The following GNAO1 variants were observed in gnomAD, a reference collection of about 807,000 sequenced individuals.
GNAO1 encodes G protein subunit alpha o1, also known as guanine nucleotide-binding protein G(o) subunit alpha.
For missense variants in GNAO1, 166 were observed against 478.7 expected, an observed-to-expected ratio of 0.35 and a Z score of 6.10; for synonymous variants, 164 against 180.7, an observed-to-expected ratio of 0.91 and a Z score of 0.74.
At chr16:56,292,819 A>G (rs1190941365) in intron 3 of GNAO1, among the ~76,000 whole-genome samples, 4 of 152,272 alleles carry the variant, frequency 2.6e-5, no homozygotes, top group African/African-American at 4.8e-5. Flanking sequence ...CCCTAGGTAT[A>G]AGCCCTAGTA....
chr16:56,271,614 A>G (rs1221838228), intron 2 of GNAO1, among the ~76,000 whole-genome samples: 1 of 151,910 alleles, frequency 6.6e-6, no homozygotes. Context: ...CCACCACACC[A>G]GGCTAATTTT....
At chr16:56,310,172 GA>G (rs1237001458) in intron 3 of GNAO1, among the ~76,000 whole-genome samples, 1 of 151,606 alleles carries the variant, frequency 6.6e-6, no homozygotes, top group East Asian at 1.9e-4. Context: ...AAAAAAAAAA[GA>G]AAAAATCAGC....
chr16:56,233,396 G>T (rs2036609145), intron 2 of GNAO1, among the ~76,000 whole-genome samples: 1 of 152,210 alleles, frequency 6.6e-6, no homozygotes, highest in South Asian at 2.1e-4. Context: ...TATGTATGGA[G>T]AGCAATACAC....
chr16:56,307,204 C>T (rs2037405699), intron 3 of GNAO1: 2 of 152,216 alleles, frequency 1.3e-5, no homozygotes, highest in South Asian at 2.1e-4. Flanking sequence ...GGGGACTTCT[C>T]CTGCCAGCCT....
intron 2 of GNAO1, chr16:56,270,089 T>A (rs2037002064): frequency 6.6e-6 from 1 of 152,276 alleles, no homozygotes; most frequent in South Asian, 2.1e-4. Flanking sequence ...CCAGGGTTTC[T>A]CCTTGGTTGC....
intron 2 of GNAO1, among the ~76,000 whole-genome samples, chr16:56,212,523 C>A (rs1378694059): frequency 6.6e-6 from 1 of 152,130 alleles, no homozygotes; most frequent in Non-Finnish European, 1.5e-5. Context: ...TCTGAATCTG[C>A]GATGGCCCAG....
chr16:56,355,029 C>T lies in GNAO1; in HGVS notation c.1041C>T (p.Asn347=), dbSNP rs2143705053. Residue 347 remains asparagine (N), a synonymous_variant, in exon 8 of 9, where the codon AAC becomes AAT. Transcript: ENST00000262493. ...TCACCGACATCATCATTGCCAACAACCTCCGGGGCTGCGGCTTGTACTGAC... is the reference window on the plus strand; with the variant it reads ...TCACCGACATCATCATTGCCAACAATCTCCGGGGCTGCGGCTTGTACTGAC... ...DAVTDIIIAN[N]LRGCGLY The T allele has an allele frequency of 6.2e-7, 1 of 1,613,176 alleles. No homozygotes were observed. The highest frequency in any genetic ancestry group is 8.5e-7 in the Non-Finnish European group (1 of 1,179,336).
At chr16:56,309,200 A>G (rs1596856426) in intron 3 of GNAO1, among the ~76,000 whole-genome samples, 1 of 152,222 alleles carries the variant, frequency 6.6e-6, no homozygotes, top group African/African-American at 2.4e-5. Flanking sequence ...CTACGAGGAC[A>G]GTGGCCACTA....
chr16:56,244,102 C>T (rs893049990), intron 2 of GNAO1, among the ~76,000 whole-genome samples: 28 of 152,324 alleles, frequency 1.8e-4, no homozygotes, highest in African/African-American at 5.5e-4. Context: ...CTTGGCCACT[C>T]GCCATGCTAT....
At chr16:56,347,572 G>A (rs984020609) in intron 6 of GNAO1, 9 of 985,490 alleles carry the variant, frequency 9.1e-6, no homozygotes, top group African/African-American at 1.7e-5. Flanking sequence ...TGGGGGAAAA[G>A]CAGAAAGAAT....
At chr16:56,271,599 G>A (rs1247791944) in intron 2 of GNAO1, among the ~76,000 whole-genome samples, 8 of 152,082 alleles carry the variant, frequency 5.3e-5, no homozygotes, top group South Asian at 2.1e-4. Context: ...GACTACAGGT[G>A]CATGCCACCA....
intron 2 of GNAO1, among the ~76,000 whole-genome samples, chr16:56,267,426 C>T (rs2036966157): frequency 6.6e-6 from 1 of 152,248 alleles, no homozygotes; most frequent in Non-Finnish European, 1.5e-5. Flanking sequence ...CACCGGCCAG[C>T]ACGTGAGCTG....
chr16:56,258,492 G>C (rs1343207311), intron 2 of GNAO1, among the ~76,000 whole-genome samples: 2 of 152,238 alleles, frequency 1.3e-5, no homozygotes, highest in African/African-American at 4.8e-5. Flanking sequence ...GCATTTGACA[G>C]TTATGGGTAG....
At chr16:56,344,541 TC>T in intron 6 of GNAO1, 2 of 987,064 alleles carry the variant, frequency 2.0e-6, no homozygotes, top group Non-Finnish European at 2.4e-6. Context: ...TGGGTCATCC[TC>T]CCTTGCCTTT....
At chr16:56,342,188 G>A (rs1307853742) in intron 6 of GNAO1, among the ~76,000 whole-genome samples, 2 of 152,232 alleles carry the variant, frequency 1.3e-5, no homozygotes, top group African/African-American at 4.8e-5. Context: ...AACAGGTGGG[G>A]TCGGTCAGTT....
At chr16:56,285,057 G>T (rs926725444) in intron 3 of GNAO1, among the ~76,000 whole-genome samples, 1 of 152,202 alleles carries the variant, frequency 6.6e-6, no homozygotes, top group Non-Finnish European at 1.5e-5. Flanking sequence ...CTTCTCTTCC[G>T]TGGCGTGCAG....
intron 6 of GNAO1, chr16:56,340,509 T>A (rs1343881619): frequency 3.3e-6 from 1 of 303,420 alleles, no homozygotes; most frequent in African/African-American, 2.1e-5. Context: ...TGTACGTGCA[T>A]GGTGCATGTC....
intron 6 of GNAO1, among the ~76,000 whole-genome samples, chr16:56,343,130 A>G (rs866331165): frequency 7.9e-5 from 12 of 152,002 alleles, no homozygotes; most frequent in African/African-American, 2.9e-4. Context: ...AGAAAAACAA[A>G]AAGAGGAGTC....
At chr16:56,330,576 T>C (rs1427536188) in intron 4 of GNAO1, among the ~76,000 whole-genome samples, 2 of 152,194 alleles carry the variant, frequency 1.3e-5, no homozygotes, top group African/African-American at 4.8e-5. Context: ...CCCACTTCCA[T>C]TTATTTGTCC....
Sources: allele counts gnomAD v4.1 joint callset (sites outside exome capture counted in the v4.1 genomes callset), GRCh38; gene constraint gnomAD v4.1.1; transcripts MANE v1.5; gene names NCBI Gene and HGNC (gene_info 2026-07-23, HGNC 2026-07-21).